The following VPS36 variants were observed in gnomAD, a reference collection of about 807,000 sequenced individuals.
The protein encoded by VPS36 is vacuolar protein sorting 36 homolog.
Under a neutral mutation model 63.5 loss-of-function variants are expected in VPS36, and 31 were observed. That is an observed-to-expected ratio of 0.49 (90% confidence interval 0.37 to 0.66). The LOEUF (loss-of-function observed/expected upper bound fraction) is 0.66. Among genes scored for constraint, VPS36 ranks in the 30% least tolerant of loss-of-function variants. The pLI is 0.00. For missense variants in VPS36, 338 were observed against 463.7 expected (o/e 0.73, Z 2.49); for synonymous variants, 138 against 157.2 (o/e 0.88, Z 0.91).
At chr13:52,426,867 A>G (rs1958106981) in intron 8 of VPS36, 122 bp downstream of exon 8, 2 of 644,300 alleles carry the variant, frequency 3.1e-6, no homozygotes, top group Non-Finnish European at 5.0e-6. Context: ...AAATAAATAA[A>G]CAATAAATAA....
chr13:52,440,071 C>T (rs1373410502), intron 2 of VPS36, among the ~76,000 whole-genome samples: 1 of 151,886 alleles, frequency 6.6e-6, no homozygotes, highest in Admixed American at 6.6e-5. Context: ...CTCCACCTCC[C>T]AGGTTCAAGT....
At chr13:52,419,894 T>TGGGGAAG (rs1387308819) in intron 10 of VPS36, among the ~76,000 whole-genome samples, 2 of 151,498 alleles carry the variant, frequency 1.3e-5, no homozygotes, top group East Asian at 1.9e-4. Flanking sequence ...GGAAGAGTAG[T>TGGGGAAG]GGGGAAGGAG....
At chr13:52,428,322 T>C (rs1305110454) in intron 6 of VPS36, among the ~76,000 whole-genome samples, 2 of 152,218 alleles carry the variant, frequency 1.3e-5, no homozygotes, top group Non-Finnish European at 2.9e-5. Context: ...CAGCTTGTCA[T>C]TAACTGAAAT....
intron 3 of VPS36, among the ~76,000 whole-genome samples, 194 bp from the exon 4 acceptor site, chr13:52,436,598 T>G (rs1181912865): frequency 1.3e-5 from 2 of 152,184 alleles, no homozygotes; most frequent in Non-Finnish European, 2.9e-5. Flanking sequence ...ACTTAAAACT[T>G]GAACCAAAGC....
At chr13:52,429,615 T>C (rs981037086) in intron 6 of VPS36, among the ~76,000 whole-genome samples, 2 of 152,180 alleles carry the variant, frequency 1.3e-5, no homozygotes, top group Non-Finnish European at 2.9e-5. Flanking sequence ...GCTGAATAAA[T>C]TAATGATCTG....
At chr13:52,418,165 C>T in intron 10 of VPS36, 109 bp from the exon 11 acceptor site, 2 of 957,038 alleles carry the variant, frequency 2.1e-6, no homozygotes, top group East Asian at 2.8e-5. Flanking sequence ...GATTTAATCA[C>T]TACAAAGCAA....
chr13:52,430,631 C>CA (rs572367104), intron 6 of VPS36, among the ~76,000 whole-genome samples: 1,413 of 123,440 alleles, frequency 0.011, 20 homozygotes, highest in African/African-American at 0.037. Flanking sequence ...GACTCCATCT[C>CA]AAAAAAAAAA....
chr13:52,425,360 G>A (rs1958092158), intron 9 of VPS36, among the ~76,000 whole-genome samples: 2 of 152,044 alleles, frequency 1.3e-5, no homozygotes, highest in South Asian at 4.1e-4. Flanking sequence ...ATTTAAAGGA[G>A]TATTTATCAT....
At chr13:52,431,888 G>C (rs891907814) in intron 6 of VPS36, among the ~76,000 whole-genome samples, 1 of 151,924 alleles carries the variant, frequency 6.6e-6, no homozygotes, top group Non-Finnish European at 1.5e-5. Context: ...TAGTGAAGAA[G>C]CTAGCAAAGT....
intron 4 of VPS36, 81 bp from the exon 5 acceptor site, chr13:52,434,963 C>CTT: frequency 1.1e-5 from 12 of 1,050,560 alleles, no homozygotes; most frequent in South Asian, 3.5e-5. Flanking sequence ...ACATTTCTTT[C>CTT]TTTTTTTCTT....
At chr13:52,443,975 C>G (rs1252224241) in intron 1 of VPS36, among the ~76,000 whole-genome samples, 1 of 152,072 alleles carries the variant, frequency 6.6e-6, no homozygotes, top group Admixed American at 6.5e-5. Context: ...CCAGGAATAT[C>G]CAGTTATTTT....
At chr13:52,420,191 G>A (rs1400134250) in intron 10 of VPS36, among the ~76,000 whole-genome samples, 7 of 150,800 alleles carry the variant, frequency 4.6e-5, no homozygotes, top group Middle Eastern at 3.4e-3. Context: ...GCAGTGAGCC[G>A]AGGTTGTGCC....
intron 10 of VPS36, among the ~76,000 whole-genome samples, chr13:52,423,323 TAAAGA>T (rs1958063786): frequency 1.3e-5 from 2 of 151,830 alleles, no homozygotes. Context: ...AAAATAAAAA[TAAAGA>T]AAAGAGGAAG....
At chr13:52,446,182 C>G (rs928414143) in intron 1 of VPS36, among the ~76,000 whole-genome samples, 66 of 151,258 alleles carry the variant, frequency 4.4e-4, no homozygotes, top group Admixed American at 3.8e-3. Context: ...AGGAGAAACG[C>G]TTGAACCCGG....
At chr13:52,428,178 A>C (rs1790772325) in intron 6 of VPS36, among the ~76,000 whole-genome samples, 1 of 152,222 alleles carries the variant, frequency 6.6e-6, no homozygotes, top group South Asian at 2.1e-4. Flanking sequence ...TGCTACAGCA[A>C]AAAACTACTT....
At chr13:52,425,292 TAGATAACATTA>T (rs1958091205) in intron 9 of VPS36, among the ~76,000 whole-genome samples, 1 of 151,922 alleles carries the variant, frequency 6.6e-6, no homozygotes, top group African/African-American at 2.4e-5. Flanking sequence ...CACTAGATAT[TAGATAACATTA>T]AGAAAGTATT....
At chr13:52,446,044 T>A (rs1400551816) in intron 1 of VPS36, among the ~76,000 whole-genome samples, 1 of 127,798 alleles carries the variant, frequency 7.8e-6, no homozygotes, top group African/African-American at 3.1e-5. Context: ...AGGTCAGGAG[T>A]TCAAGACCAG....
rs2047742360 is a variant in VPS36, at chr13:52,432,422, CAATT to C, written c.528+1236_528+1239del. ...TCATCGTCAAAAGATAATAAGGAAA[CAATT>C]TATTACCCTGATGATAAAGGAAAAT... On this transcript the variant is annotated intron_variant, in intron 6 of 13. Coordinates refer to ENST00000378060, the MANE Select transcript of VPS36 (RefSeq NM_016075.4). Among the ~76,000 whole-genome samples the C allele has an allele frequency of 3.3e-5, 5 of 152,238 alleles. No individual in the cohort carries two copies. In the South Asian group the frequency reaches 1.0e-3, roughly 32 times the overall value.
At chr13:52,425,835 C>A in intron 9 of VPS36, 97 bp downstream of exon 9, 1 of 1,281,144 alleles carries the variant, frequency 7.8e-7, no homozygotes, top group South Asian at 2.1e-5. Flanking sequence ...TTGACAATAA[C>A]CATATCATGA....
Sources: allele counts gnomAD v4.1 joint callset (sites outside exome capture counted in the v4.1 genomes callset), GRCh38; gene constraint gnomAD v4.1.1; transcripts MANE v1.5; gene names NCBI Gene and HGNC (gene_info 2026-07-23, HGNC 2026-07-21).